AP5Z1: variants seen among roughly 807,000 people sequenced by gnomAD.
AP5Z1 encodes the protein adaptor related protein complex 5 subunit zeta 1.
A neutral mutation model predicts 83.0 loss-of-function variants in AP5Z1; 106 were observed. That is an observed-to-expected ratio of 1.28 (90% CI 1.09 to 1.50). The LOEUF (loss-of-function observed/expected upper bound fraction) is 1.50. Among genes scored for constraint, AP5Z1 ranks in the 40% most tolerant of loss-of-function variants. The probability of loss-of-function intolerance (pLI) is 0.00; values close to 1 mark genes in which losing one functional copy is unlikely to be tolerated. For missense variants in AP5Z1, 1,565 were observed against 1,094.2 expected (o/e 1.43, Z -6.07); for synonymous variants, 751 against 514.1 (o/e 1.46, Z -6.23).
rs1781506604 is a variant in AP5Z1 at position 4,785,311 on chromosome 7, C to G, written c.932-104C>G. 10 of 1,470,692 alleles carry G rather than the reference C, an allele frequency of 6.8e-6. No homozygotes were observed. The Admixed American group carries it at 2.0e-4, about 29-fold the overall frequency. 91.1% of individuals were successfully genotyped at this position (1,470,692 alleles called of 1,614,324 possible). ...GTCCTCCTGGGGGCCTGTCCCACCCCCCTGCTCCCGGTCCTGCCTGGAGCT... is the reference window on the plus strand; with the variant it reads ...GTCCTCCTGGGGGCCTGTCCCACCCGCCTGCTCCCGGTCCTGCCTGGAGCT... On this transcript the variant is annotated intron_variant, in intron 7 of 16. Transcript: ENST00000649063.
Position 4,791,198 on chromosome 7 carries a change from C to G in AP5Z1, c.2237C>G (p.Ala746Gly), listed in dbSNP as rs1424168650. ...SSTHSEEGAE[A>G]IRTRATELLT... ...ACGCACAGCGAGGAGGGCGCGGAAG[C>G]CATCCGTACCCGGGCCACAGAGCTG... Residue 746 changes from alanine (A) to glycine (G), a missense_variant, in exon 17 of 17, where the codon GCC becomes GGC. Ala to Gly is a moderately conservative substitution (Grantham distance 60). Transcript: ENST00000649063. 4 of 1,612,458 alleles carry G rather than the reference C, an allele frequency of 2.5e-6. No individual in the cohort carries two copies. The highest frequency in any genetic ancestry group is 1.7e-5 in the Admixed American group (1 of 59,954).
At chr7:4,777,164 C>T (rs1260213833) in intron 1 of AP5Z1, among the ~76,000 whole-genome samples, 1 of 150,956 alleles carries the variant, frequency 6.6e-6, no homozygotes, top group African/African-American at 2.4e-5. Flanking sequence ...CAATCCTGGA[C>T]AGATATGTCA....
intron 4 of AP5Z1, 27 bp from the exon 5 acceptor site, chr7:4,783,662 C>A (rs186028694): frequency 6.5e-7 from 1 of 1,542,422 alleles, no homozygotes; most frequent in African/African-American, 1.4e-5. Flanking sequence ...TCAACCTCAC[C>A]TCCCCATGCC....
intron 9 of AP5Z1, among the ~76,000 whole-genome samples, 199 bp downstream of exon 9, chr7:4,785,883 G>A (rs184442543): frequency 9.2e-5 from 14 of 151,494 alleles, no homozygotes; most frequent in Non-Finnish European, 1.6e-4. Context: ...CTGGGATTAC[G>A]GGCATGAGCC....
Position 4,791,929 on chromosome 7 carries a change from G to A in AP5Z1, c.*544G>A, listed in dbSNP as rs1223243452. 6.5e-6 allele frequency: 1 copy of A among 153,724 alleles called. No individual in the cohort carries two copies. The highest frequency in any genetic ancestry group is 6.5e-5 in the Admixed American group (1 of 15,458). 9.5% of individuals were successfully genotyped at this position (153,724 alleles called of 1,614,324 possible). A position where few individuals can be genotyped will look rare whatever the true frequency, so the allele number is the denominator to read the frequency against. On this transcript the variant is annotated 3_prime_UTR_variant, in exon 17 of 17. Coordinates refer to ENST00000649063, the MANE Select transcript of AP5Z1 (RefSeq NM_014855.3). ...CACAGCCCGGAAGGCAGCGGCGCGA[G>A]TTCCCGGGTGTGGTCACCGCTCTGG...
intron 12 of AP5Z1, chr7:4,788,638 C>A (rs1037695706): frequency 1.9e-6 from 1 of 540,444 alleles, no homozygotes; most frequent in African/African-American, 1.9e-5. Context: ...CCACGCCAGC[C>A]TTTGTCCCGA....
chr7:4,787,318 T>C lies in AP5Z1; in HGVS notation c.1312-316T>C, dbSNP rs1197669072. 6.6e-5 allele frequency among the ~76,000 whole-genome samples: 10 copies of C among 151,912 alleles called. No individual in the cohort carries two copies. The South Asian group carries it at 1.7e-3, about 25-fold the overall frequency. On this transcript the variant is annotated intron_variant, in intron 10 of 16. Coordinates refer to ENST00000649063, the MANE Select transcript of AP5Z1 (RefSeq NM_014855.3). ...CCAGCCTGGGCAACACAGGGAGACC[T>C]CTTGTCTACAAAAAGTAAACAGCCT...
rs1583232432 is a variant in AP5Z1 at position 4,785,009 on chromosome 7, T to C, written c.892T>C (p.Phe298Leu). The change falls in exon 7 of 17, where the codon TTC (phenylalanine) becomes CTC (leucine). Residue 298 changes from phenylalanine to leucine, a missense_variant. Coordinates refer to ENST00000649063, the MANE Select transcript of AP5Z1 (RefSeq NM_014855.3). Reference protein sequence around the residue: ...PPRERLREVAFEYCQRLIEQS... With the variant: ...PPRERLREVALEYCQRLIEQS... Reference sequence around the variant, plus strand: ...CCGGGAGCGGCTTCGGGAGGTGGCCTTCGAGTACTGCCAGCGCCTCATTGA... The same window carrying C: ...CCGGGAGCGGCTTCGGGAGGTGGCCCTCGAGTACTGCCAGCGCCTCATTGA... 1.2e-6 allele frequency: 2 copies of C among 1,611,346 alleles called. No individual in the cohort carries two copies. The highest frequency in any genetic ancestry group is 1.7e-6 in the Non-Finnish European group (2 of 1,179,040).
intron 13 of AP5Z1, among the ~76,000 whole-genome samples, chr7:4,789,600 C>T (rs547084520): frequency 2.6e-5 from 4 of 152,236 alleles, no homozygotes; most frequent in South Asian, 2.1e-4. Flanking sequence ...GCAGAGGAGC[C>T]GTGGAACAGA....
At position 4,791,404 on chromosome 7, in the gene AP5Z1, C is replaced by A; in HGVS notation, c.*19C>A. The A allele has an allele frequency of 6.3e-7, 1 of 1,591,836 alleles. No individual in the cohort carries two copies. On this transcript the variant is annotated 3_prime_UTR_variant, in exon 17 of 17. Transcript: ENST00000649063. Reference sequence around the variant, plus strand: ...AGGGTGAAGGGACAGTGGCCAGGGACTTCGGTGCAGATTAAGAGCCTGGGC... The same window carrying A: ...AGGGTGAAGGGACAGTGGCCAGGGAATTCGGTGCAGATTAAGAGCCTGGGC...
At position 4,781,603 on chromosome 7, in the gene AP5Z1, C is replaced by T; in HGVS notation, c.215C>T (p.Thr72Ile). The change falls in exon 3 of 17, where the codon ACC becomes ATC. Residue 72 changes from threonine (T) to isoleucine (I), a missense_variant. By Grantham distance (89) the Thr-to-Ile change is moderately conservative. Coordinates refer to ENST00000649063, the MANE Select transcript of AP5Z1 (RefSeq NM_014855.3). Reference protein sequence around the residue: ...EKTCVDLLQATLGLPACPEQL... With the variant: ...EKTCVDLLQAILGLPACPEQL... ...ACATGCGTAGACCTGCTGCAGGCCACCCTCGGCCTGCCTGCATGCCCCGAG... is the reference window on the plus strand; with the variant it reads ...ACATGCGTAGACCTGCTGCAGGCCATCCTCGGCCTGCCTGCATGCCCCGAG... 6.2e-7 allele frequency: 1 copy of T among 1,610,008 alleles called. No homozygotes were observed.
chr7:4,786,220 C>A (rs78201739), intron 9 of AP5Z1, 30 bp from the exon 10 acceptor site: 13 of 1,570,982 alleles, frequency 8.3e-6, no homozygotes, highest in Non-Finnish European at 1.1e-5. Context: ...GAGGTCAAGA[C>A]GTGTGCCCTG....
rs376680652 is a variant in AP5Z1, at chr7:4,785,540, C to G, written c.988C>G (p.Leu330Val). 2.4e-4 allele frequency: 379 copies of G among 1,612,714 alleles called. No homozygotes were observed. The highest frequency in any genetic ancestry group is 3.1e-4 in the Non-Finnish European group (369 of 1,179,664). Residue 330 changes from leucine (L) to valine (V), a missense_variant, in exon 9 of 17, where the codon CTG becomes GTG. Physicochemically the swap from Leu to Val is conservative, Grantham distance 32. Coordinates refer to ENST00000649063, the MANE Select transcript of AP5Z1 (RefSeq NM_014855.3). The part of the protein sequence containing the change: ...LQKACLVEAV[L>V]VLDVLCRQDP... ...CCCGCAGTGCCTGGTGGAGGCCGTG[C>G]TGGTGCTGGACGTGCTGTGCCGGCA... is the stretch of plus-strand genomic sequence containing the variant.
rs1781814678 is a variant in AP5Z1 at position 4,792,454 on chromosome 7, TG to T, written c.*1070del. 1 of 151,388 alleles carries T rather than the reference TG, an allele frequency of 6.6e-6. No individual in the cohort carries two copies. The highest frequency in any genetic ancestry group is 2.1e-4 in the South Asian group (1 of 4,758). The allele number at this position is 151,388 out of a possible 1,614,324, so 9.4% of individuals were successfully genotyped here. ...AAGGCGACTGCAGGGTCCTGCCCCTTGCCCAGCCTCAGGACTATGGAGGGGG... is the reference window on the plus strand; with the variant it reads ...AAGGCGACTGCAGGGTCCTGCCCCTTCCCAGCCTCAGGACTATGGAGGGGG... On this transcript the variant is annotated 3_prime_UTR_variant, in exon 17 of 17. Transcript: ENST00000649063.
At chr7:4,780,618 T>C (rs539496577) in intron 1 of AP5Z1, among the ~76,000 whole-genome samples, 150 of 151,940 alleles carry the variant, frequency 9.9e-4, no homozygotes, top group Non-Finnish European at 1.5e-3. Flanking sequence ...ACAAAAAAAT[T>C]AGCCGGGCGT....
chr7:4,790,532 C>T lies in AP5Z1; in HGVS notation c.1879C>T (p.Leu627=), dbSNP rs774883884. 1.9e-6 allele frequency: 3 copies of T among 1,613,182 alleles called. No homozygotes were observed. The Admixed American group carries it at 5.0e-5, about 27-fold the overall frequency. Residue 627 remains leucine (L), a synonymous_variant, in exon 15 of 17, where the codon CTG becomes TTG. Transcript: ENST00000649063. The part of the protein sequence containing the change: ...SLVVELARDL[L]EFLGSVNGLC... ...GGTGGTGGAGCTGGCAAGAGACCTG[C>T]TGGAGTTCCTGGGCAGCGTGAATGG...
chr7:4,781,491 C>T (rs187066231), intron 2 of AP5Z1, 77 bp from the exon 3 acceptor site: 16,356 of 1,558,416 alleles, frequency 0.01, 135 homozygotes, highest in Non-Finnish European at 0.012. Context: ...GGTGCCCGGC[C>T]AGGTGCTCTG....
intron 1 of AP5Z1, 148 bp from the exon 2 acceptor site, chr7:4,781,027 C>CT: frequency 9.5e-7 from 1 of 1,048,784 alleles, no homozygotes; most frequent in Non-Finnish European, 1.3e-6. Flanking sequence ...GCGAATTTAT[C>CT]TCGAGAGCCA....
Position 4,791,108 on chromosome 7 carries a change from T to A in AP5Z1, c.2154-7T>A. On this transcript the variant is annotated splice_polypyrimidine_tract_variant and splice_region_variant and intron_variant, in intron 16 of 16. Transcript: ENST00000649063. ...CTGCAGCTGACGGAGGGACCTTCTT[T>A]CCCCAGGGCCTCTTTATTGCTGTCA... 1 of 1,575,400 alleles carries A rather than the reference T, an allele frequency of 6.3e-7. No individual in the cohort carries two copies. The highest frequency in any genetic ancestry group is 8.6e-7 in the Non-Finnish European group (1 of 1,159,496).
Sources: allele counts gnomAD v4.1 joint callset (sites outside exome capture counted in the v4.1 genomes callset), GRCh38; gene constraint gnomAD v4.1.1; transcripts MANE v1.5; gene names NCBI Gene and HGNC (gene_info 2026-07-23, HGNC 2026-07-21).